CMBL: variants seen among roughly 807,000 people sequenced by gnomAD.
CMBL encodes the protein carboxymethylenebutenolidase homolog (Pseudomonas).
A neutral mutation model predicts 28.7 loss-of-function variants in CMBL; 17 were observed. The ratio of observed to expected loss-of-function variants is 0.59; its 90% CI spans 0.41 to 0.89. The LOEUF (loss-of-function observed/expected upper bound fraction) is 0.89. Ranked by LOEUF, CMBL falls within the 40% of genes least tolerant of loss-of-function variation. The pLI, the probability that CMBL is intolerant of heterozygous loss-of-function variation, is 0.00. For missense variants in CMBL, 310 were observed against 298.5 expected, an observed-to-expected ratio of 1.04 and a Z score of -0.28; for synonymous variants, 106 against 101.6, an observed-to-expected ratio of 1.04 and a Z score of -0.26.
At chr5:10,299,126 TAAAC>T (rs1399911322) in intron 1 of CMBL, among the ~76,000 whole-genome samples, 1 of 152,120 alleles carries the variant, frequency 6.6e-6, no homozygotes, top group East Asian at 1.9e-4. Flanking sequence ...AAAGTCTCCA[TAAAC>T]AAAGTGAGAA....
intron 1 of CMBL, among the ~76,000 whole-genome samples, chr5:10,305,598 G>A (rs1274466505): frequency 6.6e-6 from 1 of 152,022 alleles, no homozygotes; most frequent in Non-Finnish European, 1.5e-5. Context: ...TTGAGACGGA[G>A]TCTCACTCTG....
At chr5:10,286,110 A>G (rs1746600238) in intron 4 of CMBL, 1 of 407,558 alleles carries the variant, frequency 2.5e-6, no homozygotes, top group African/African-American at 2.0e-5. Flanking sequence ...GAGAATTTAG[A>G]TTAGGTGGCT....
In CMBL at chr5:10,289,201, C is replaced by G. The variant is rs970703493; in HGVS notation, c.216-672G>C. Reference sequence around the variant, plus strand: ...CTCCTCCTATAGGGGTAGAAGAACACTGAAACTGGAGTGAGAAAATCCAAG... The same window carrying G: ...CTCCTCCTATAGGGGTAGAAGAACAGTGAAACTGGAGTGAGAAAATCCAAG... On this transcript the variant is annotated intron_variant, in intron 2 of 5. Coordinates refer to ENST00000296658, the MANE Select transcript of CMBL (RefSeq NM_138809.4). The surrounding 1 kb of genome is among the most constrained non-coding windows in gnomAD (Gnocchi z 4.3). Among the ~76,000 whole-genome samples, 1 of 152,160 alleles carries G rather than the reference C, an allele frequency of 6.6e-6. No individual in the cohort carries two copies. The highest frequency in any genetic ancestry group is 1.5e-5 in the Non-Finnish European group (1 of 68,034).
At chr5:10,293,386 C>T (rs1746759069) in intron 1 of CMBL, among the ~76,000 whole-genome samples, 1 of 152,166 alleles carries the variant, frequency 6.6e-6, no homozygotes, top group Non-Finnish European at 1.5e-5. Flanking sequence ...GTGGTGCCCT[C>T]TCCTTGTGTC....
chr5:10,280,408 T>C lies in CMBL; in HGVS notation c.*45A>G. On this transcript the variant is annotated 3_prime_UTR_variant, in exon 6 of 6. Coordinates refer to ENST00000296658, the MANE Select transcript of CMBL (RefSeq NM_138809.4). ...AATGATCTAACTATTTCCAAGCAAA[T>C]TTTGGGATGAAAGCTATTCTAGGAA... is the stretch of plus-strand genomic sequence containing the variant. The C allele has an allele frequency of 6.9e-7, 1 of 1,447,066 alleles. No individual in the cohort carries two copies. Among genetic ancestry groups the C allele is most frequent in the Non-Finnish European group, 9.3e-7 (1 of 1,072,334 alleles). The allele number at this position is 1,447,066 out of a possible 1,614,324, so 89.6% of individuals were successfully genotyped here.
At chr5:10,296,914 G>A (rs1332754513) in intron 1 of CMBL, among the ~76,000 whole-genome samples, 3 of 152,206 alleles carry the variant, frequency 2.0e-5, no homozygotes, top group Admixed American at 2.0e-4. Flanking sequence ...ACTGGGCGCG[G>A]TGGCTCACGC....
rs1746569497 is a variant in CMBL, at chr5:10,284,917, A to G, written c.466+1437T>C. ...TATAATGTTATTTCATTGCTGTAGT[A>G]ACTTTGGTTTGTTTTGGCCAAAAAT... is the stretch of plus-strand genomic sequence containing the variant. On this transcript the variant is annotated intron_variant, in intron 4 of 5. Coordinates refer to ENST00000296658, the MANE Select transcript of CMBL (RefSeq NM_138809.4). Among the ~76,000 whole-genome samples, 3 of 152,180 alleles carry G rather than the reference A, an allele frequency of 2.0e-5. No individual in the cohort carries two copies. The South Asian group carries it at 6.2e-4, about 32-fold the overall frequency.
At chr5:10,281,433 G>A (rs1426336549) in intron 5 of CMBL, among the ~76,000 whole-genome samples, 2 of 152,036 alleles carry the variant, frequency 1.3e-5, no homozygotes, top group Non-Finnish European at 2.9e-5. Context: ...GCCTAGCCTG[G>A]TCTTAAACTC....
chr5:10,290,937 A>G (rs544847175), intron 1 of CMBL, among the ~76,000 whole-genome samples, 156 bp from the exon 2 acceptor site: 3 of 152,380 alleles, frequency 2.0e-5, no homozygotes, highest in African/African-American at 7.2e-5. Flanking sequence ...GGTTCTGGCA[A>G]CACTGCAGAG....
At chr5:10,303,611 C>G (rs1281115719) in intron 1 of CMBL, among the ~76,000 whole-genome samples, 3 of 152,124 alleles carry the variant, frequency 2.0e-5, no homozygotes, top group Non-Finnish European at 4.4e-5. Flanking sequence ...AAACTAAAAA[C>G]TCTAAGCCCC....
At chr5:10,303,759 TAATCAC>T (rs1183446099) in intron 1 of CMBL, among the ~76,000 whole-genome samples, 1 of 152,206 alleles carries the variant, frequency 6.6e-6, no homozygotes, top group Non-Finnish European at 1.5e-5. Context: ...CCTGACTCAC[TAATCAC>T]CATGAGGCTT....
intron 4 of CMBL, among the ~76,000 whole-genome samples, chr5:10,285,008 T>TTTTTTTTTTA (rs1561061676): frequency 6.6e-6 from 1 of 151,672 alleles, no homozygotes; most frequent in African/African-American, 2.4e-5. Context: ...TTTTTTTTAT[T>TTTTTTTTTTA]TTTTATTTTA....
At position 10,280,611 on chromosome 5, in the gene CMBL, A is replaced by G. The variant is rs556283349; in HGVS notation, c.580T>C (p.Leu194=). The G allele has an allele frequency of 1.5e-5, 24 of 1,606,346 alleles. No homozygotes were observed. The African/African-American group carries it at 2.9e-4, about 20-fold the overall frequency. The change falls in exon 6 of 6, where the codon TTG becomes CTG. Residue 194 remains leucine (L), a synonymous_variant. Transcript: ENST00000296658. ...LKDVSLLTQK[L]KEHCKVEYQI... is the part of the protein sequence containing the mutation. ...TATTCAACTTTGCAGTGTTCTTTCA[A>G]CTTCTGAGTCAGCAAAGATACCTGG...
At position 10,280,243 on chromosome 5, in the gene CMBL, C is replaced by T. The variant is rs576067233; in HGVS notation, c.*210G>A. Reference sequence around the variant, plus strand: ...CATGAGGCACTACACCTGGTCAGACCTTGTTTTTAAATTATGATTCGATGT... The same window carrying T: ...CATGAGGCACTACACCTGGTCAGACTTTGTTTTTAAATTATGATTCGATGT... On this transcript the variant is annotated 3_prime_UTR_variant, in exon 6 of 6. Coordinates refer to ENST00000296658, the MANE Select transcript of CMBL (RefSeq NM_138809.4). The T allele has an allele frequency of 5.1e-5, 23 of 452,018 alleles. No homozygotes were observed. The highest frequency in any genetic ancestry group is 3.9e-4 in the African/African-American group (20 of 51,176). 28.0% of individuals were successfully genotyped at this position (452,018 alleles called of 1,614,324 possible). A position where few individuals can be genotyped will look rare whatever the true frequency, so the allele number is the denominator to read the frequency against.
chr5:10,303,907 C>A (rs1054649844), intron 1 of CMBL, among the ~76,000 whole-genome samples: 1 of 152,206 alleles, frequency 6.6e-6, no homozygotes, highest in Non-Finnish European at 1.5e-5. Flanking sequence ...GGCCTGTCTA[C>A]AGAGGGTGCA....
chr5:10,281,683 A>G (rs973436027), intron 5 of CMBL, among the ~76,000 whole-genome samples: 3 of 152,210 alleles, frequency 2.0e-5, no homozygotes, highest in African/African-American at 7.2e-5. Flanking sequence ...GGCCATGCTG[A>G]GAATACTTCC....
chr5:10,282,611 T>C (rs113842522), intron 4 of CMBL, among the ~76,000 whole-genome samples: 8,653 of 151,898 alleles, frequency 0.057, 342 homozygotes, highest in South Asian at 0.12. Flanking sequence ...CGCAAAACCC[T>C]GTCTCTACAA....
intron 1 of CMBL, among the ~76,000 whole-genome samples, chr5:10,301,422 A>T (rs1274205206): frequency 6.6e-6 from 1 of 152,024 alleles, no homozygotes. Flanking sequence ...ACACCATTTC[A>T]GAAAAACTCT....
At position 10,286,509 on chromosome 5, in the gene CMBL, G is replaced by A. The variant is rs1417664114; in HGVS notation, c.324-13C>T. The stretch of plus-strand genomic sequence containing the variant: ...AGCACTGATCTCTCTAGAACAGAAA[G>A]AAAAAATATTCAAGAATCAGGCTTA... On this transcript the variant is annotated splice_polypyrimidine_tract_variant and intron_variant, in intron 3 of 5. Coordinates refer to ENST00000296658, the MANE Select transcript of CMBL (RefSeq NM_138809.4). The A allele has an allele frequency of 1.2e-6, 2 of 1,606,806 alleles. No individual in the cohort carries two copies. The highest frequency in any genetic ancestry group is 1.7e-5 in the Admixed American group (1 of 58,722).
Sources: gnomAD v4.1 joint callset for allele counts (sites outside exome capture counted in the v4.1 genomes callset) on GRCh38, gnomAD v4.1.1 for gene constraint, Gnocchi (gnomAD v3.1) non-coding constraint, MANE v1.5 for transcripts, NCBI Gene and HGNC (gene_info 2026-07-23, HGNC 2026-07-21) for gene names.